Variants in FBN2 observed in about 807,000 individuals in gnomAD.
The protein encoded by FBN2 is fibrillin 2.
FBN2 carries 105 observed loss-of-function variants against 355.6 expected under a neutral mutation model. That is an observed-to-expected ratio of 0.30 (90% CI 0.25 to 0.35). The LOEUF (loss-of-function observed/expected upper bound fraction) is 0.35. Ranked by LOEUF, FBN2 falls within the 10% of genes least tolerant of loss-of-function variation. The pLI is 1.00. For synonymous variants in FBN2, 1,350 were observed against 1,301.2 expected (o/e 1.04, Z -0.81); for missense variants, 3,280 against 3,758.7 (o/e 0.87, Z 3.33).
intron 6 of FBN2, among the ~76,000 whole-genome samples, chr5:128,462,847 G>T (rs1478809524): frequency 6.6e-6 from 1 of 152,064 alleles, no homozygotes; most frequent in African/African-American, 2.4e-5. Flanking sequence ...AGTGGGTTTT[G>T]GAAGTATTTC....
intron 7 of FBN2, among the ~76,000 whole-genome samples, chr5:128,438,769 C>T (rs968709468): frequency 1.3e-5 from 2 of 151,930 alleles, no homozygotes; most frequent in Non-Finnish European, 2.9e-5. Flanking sequence ...GGTCTTCCCA[C>T]CCCCAACCTT....
intron 19 of FBN2, among the ~76,000 whole-genome samples, chr5:128,360,249 C>T (rs1291547986): frequency 6.6e-6 from 1 of 152,104 alleles, no homozygotes; most frequent in Non-Finnish European, 1.5e-5. Context: ...TCATAAAGTA[C>T]ATTTCTCAGA....
Position 128,493,351 on chromosome 5 carries a change from G to T in FBN2, c.628+25922C>A, listed in dbSNP as rs571696526. Among the ~76,000 whole-genome samples the T allele has an allele frequency of 8.5e-5, 13 of 152,212 alleles. No individual in the cohort carries two copies. In the East Asian group the frequency reaches 2.3e-3, roughly 27 times the overall value. On this transcript the variant is annotated intron_variant, in intron 5 of 64. Coordinates refer to ENST00000262464, the MANE Select transcript of FBN2 (RefSeq NM_001999.4). ...TGGCTGGAGTTGTGTATGTGTTAGG[G>T]ATGGGGAGGCTGAAGACATTTTCAG...
At chr5:128,498,091 G>A (rs1306172179) in intron 5 of FBN2, among the ~76,000 whole-genome samples, 1 of 152,162 alleles carries the variant, frequency 6.6e-6, no homozygotes, top group Non-Finnish European at 1.5e-5. Context: ...CACATTACTG[G>A]GAATGCAGAG....
At chr5:128,264,384 C>G (rs1765064849) in intron 62 of FBN2, among the ~76,000 whole-genome samples, 1 of 152,180 alleles carries the variant, frequency 6.6e-6, no homozygotes, top group African/African-American at 2.4e-5. Flanking sequence ...TGGGTGCAGA[C>G]TGTGCTTTCT....
chr5:128,393,827 A>G lies in FBN2; in HGVS notation c.1232-459T>C, dbSNP rs550741975. On this transcript the variant is annotated intron_variant, in intron 9 of 64. Coordinates refer to ENST00000262464, the MANE Select transcript of FBN2 (RefSeq NM_001999.4). Reference sequence around the variant, plus strand: ...TAGGTATTAATATTGCTCCAGAATGATATTTTTTTCTAACTTGGATTTTAA... The same window carrying G: ...TAGGTATTAATATTGCTCCAGAATGGTATTTTTTTCTAACTTGGATTTTAA... Among the ~76,000 whole-genome samples, 4 of 152,246 alleles carry G rather than the reference A, an allele frequency of 2.6e-5. No homozygotes were observed. In the South Asian group the frequency reaches 8.3e-4, roughly 32 times the overall value.
intron 27 of FBN2, among the ~76,000 whole-genome samples, chr5:128,337,321 C>A (rs909145975): frequency 3.9e-5 from 6 of 152,138 alleles, no homozygotes; most frequent in Non-Finnish European, 8.8e-5. Context: ...GGTGTGCAAT[C>A]TGTTCTATTT....
At chr5:128,441,463 A>T (rs553972834) in intron 7 of FBN2, among the ~76,000 whole-genome samples, 9 of 152,192 alleles carry the variant, frequency 5.9e-5, no homozygotes, top group Non-Finnish European at 1.2e-4. Flanking sequence ...TAATCCTAAG[A>T]AAGTTACTTG....
rs779724347 is a variant in FBN2, at chr5:128,302,958, G to A, written c.5917+15C>T. 1 of 1,295,138 alleles carries A rather than the reference G, an allele frequency of 7.7e-7. No individual in the cohort carries two copies. Among genetic ancestry groups the A allele is most frequent in the Non-Finnish European group, 1.1e-6 (1 of 888,470 alleles). The allele number at this position is 1,295,138 out of a possible 1,614,324, so 80.2% of individuals were successfully genotyped here. A position where few individuals can be genotyped will look rare whatever the true frequency, so the allele number is the denominator to read the frequency against. On this transcript the variant is annotated intron_variant, in intron 46 of 64. Transcript: ENST00000262464. ...AATGAAATAGAAGCAATAAAGGACT[G>A]AATGAAGTACTTACCCAGGCAATCA...
chr5:128,507,418 A>T (rs1420378094), intron 5 of FBN2, among the ~76,000 whole-genome samples: 1 of 152,070 alleles, frequency 6.6e-6, no homozygotes, highest in Non-Finnish European at 1.5e-5. Context: ...ACTTTAAATA[A>T]GCTCTAGATT....
intron 23 of FBN2, among the ~76,000 whole-genome samples, chr5:128,348,474 ATC>A (rs1176384475): frequency 6.6e-6 from 1 of 152,096 alleles, no homozygotes; most frequent in African/African-American, 2.4e-5. Flanking sequence ...TAAAAATGAA[ATC>A]TGTTTTAATT....
chr5:128,432,491 A>G (rs1024109867), intron 7 of FBN2, among the ~76,000 whole-genome samples: 5 of 152,138 alleles, frequency 3.3e-5, no homozygotes, highest in Non-Finnish European at 4.4e-5. Context: ...TCTATGGCGG[A>G]TTTTGCACTA....
chr5:128,309,919 C>A, intron 40 of FBN2, 64 bp downstream of exon 40: 1 of 1,537,398 alleles, frequency 6.5e-7, no homozygotes, highest in Non-Finnish European at 9.0e-7. Context: ...AATTCTGAGA[C>A]GTAAGTGCTT....
At chr5:128,422,825 T>G (rs550380665) in intron 7 of FBN2, among the ~76,000 whole-genome samples, 1 of 152,312 alleles carries the variant, frequency 6.6e-6, no homozygotes, top group Admixed American at 6.5e-5. Context: ...ATGCAGATTT[T>G]GACTTCCAGT....
chr5:128,320,963 T>C (rs1037247246), intron 34 of FBN2, among the ~76,000 whole-genome samples: 2 of 152,202 alleles, frequency 1.3e-5, no homozygotes, highest in Non-Finnish European at 2.9e-5. Context: ...TATTTAATTA[T>C]GTTCACTTTT....
intron 8 of FBN2, among the ~76,000 whole-genome samples, chr5:128,395,791 C>T (rs1031202761): frequency 2.0e-5 from 3 of 152,130 alleles, no homozygotes; most frequent in African/African-American, 7.2e-5. Flanking sequence ...GACTAGAGAA[C>T]AGCATGTGGA....
chr5:128,334,828 G>T lies in FBN2; in HGVS notation c.3990C>A (p.Asp1330Glu). 1 of 1,612,302 alleles carries T rather than the reference G, an allele frequency of 6.2e-7. No homozygotes were observed. The highest frequency in any genetic ancestry group is 8.5e-7 in the Non-Finnish European group (1 of 1,178,406). The part of the protein sequence containing the change: ...MKTCIDVNEC[D>E]LNSNICMFGE... ...CAAACATGCAGATATTTGAATTTAGGTCACATTCATTGACATCTAGAAAAT... is the reference window on the plus strand; with the variant it reads ...CAAACATGCAGATATTTGAATTTAGTTCACATTCATTGACATCTAGAAAAT... Residue 1330 changes from aspartate (D) to glutamate (E), a missense_variant, in exon 31 of 65, where the codon GAC becomes GAA. By Grantham distance (45) the Asp-to-Glu change is conservative. This residue lies in a region of FBN2 where 2,284 missense variants were observed against 2,749.5 expected (regional missense o/e 0.83). Coordinates refer to ENST00000262464, the MANE Select transcript of FBN2 (RefSeq NM_001999.4).
rs566872156 is a variant in FBN2 at position 128,481,385 on chromosome 5, T to A, written c.629-16464A>T. ...GTGATATTATCTGTTTTTCAGATTA[T>A]CTACCTGCAGCCTCTAACTTTTTGC... On this transcript the variant is annotated intron_variant, in intron 5 of 64. Transcript: ENST00000262464. Among the ~76,000 whole-genome samples the A allele has an allele frequency of 1.1e-4, 17 of 152,336 alleles. No individual in the cohort carries two copies. The East Asian group carries it at 3.1e-3, about 28-fold the overall frequency.
intron 48 of FBN2, 89 bp downstream of exon 48, chr5:128,300,728 G>A (rs2126833569): frequency 7.6e-7 from 1 of 1,312,248 alleles, no homozygotes; most frequent in Non-Finnish European, 1.1e-6. Flanking sequence ...CATGCTTGCA[G>A]TGGTTGGCAC....
Sources: gnomAD v4.1 joint callset for allele counts (sites outside exome capture counted in the v4.1 genomes callset) on GRCh38, gnomAD v4.1.1 for gene constraint, gnomAD v4.1.1 regional missense constraint, MANE v1.5 for transcripts, NCBI Gene and HGNC (gene_info 2026-07-23, HGNC 2026-07-21) for gene names.